Variants in NGRN observed in about 807,000 individuals in gnomAD.
NGRN encodes the protein neugrin, neurite outgrowth associated.
NGRN carries 12 observed loss-of-function variants against 13.1 expected under a neutral mutation model. That is an observed-to-expected ratio of 0.92 (90% confidence interval 0.59 to 1.49). The LOEUF (loss-of-function observed/expected upper bound fraction) is 1.49, where lower values mean the gene tolerates loss of function less well. Ranked by LOEUF, NGRN falls within the 40% of genes most tolerant of loss-of-function variation. The probability of loss-of-function intolerance (pLI) is 0.00; values close to 1 mark genes in which losing one functional copy is unlikely to be tolerated. For synonymous variants in NGRN, 149 were observed against 145.8 expected (o/e 1.02, Z -0.16); for missense variants, 397 against 357.0 (o/e 1.11, Z -0.90).
In NGRN at chr15:90,271,721, G is replaced by T; in HGVS notation, c.809G>T (p.Ser270Ile). Residue 270 changes from serine to isoleucine, a missense_variant, in exon 3 of 3, where the codon AGC becomes ATC. Coordinates refer to ENST00000379095, the MANE Select transcript of NGRN (RefSeq NM_001033088.3). Reference protein sequence around the residue: ...ELKAEEPDNFSSKVVQRGREF... With the variant: ...ELKAEEPDNFISKVVQRGREF... Reference sequence around the variant, plus strand: ...AAGGCAGAGGAGCCAGATAACTTCAGCAGCAAAGTAGTGCAGAGGGGCCGA... The same window carrying T: ...AAGGCAGAGGAGCCAGATAACTTCATCAGCAAAGTAGTGCAGAGGGGCCGA... The T allele has an allele frequency of 6.2e-7, 1 of 1,614,198 alleles. No homozygotes were observed. Among genetic ancestry groups the T allele is most frequent in the Non-Finnish European group, 8.5e-7 (1 of 1,180,044 alleles).
chr15:90,268,403 A>T (rs1026781072), intron 2 of NGRN, among the ~76,000 whole-genome samples: 1 of 151,830 alleles, frequency 6.6e-6, no homozygotes, highest in Non-Finnish European at 1.5e-5. Flanking sequence ...GAAAAAAAAA[A>T]AACAGTCCAT....
chr15:90,269,298 G>A (rs1288562633), intron 2 of NGRN, among the ~76,000 whole-genome samples: 1 of 151,164 alleles, frequency 6.6e-6, no homozygotes, highest in Non-Finnish European at 1.5e-5. Context: ...TTACAGGCGG[G>A]CGTGAGCCAC....
At chr15:90,266,816 G>A (rs1016299251) in intron 2 of NGRN, among the ~76,000 whole-genome samples, 1 of 152,172 alleles carries the variant, frequency 6.6e-6, no homozygotes, top group Non-Finnish European at 1.5e-5. Context: ...TTGAATGTAG[G>A]TTGTGACGTT....
intron 2 of NGRN, 111 bp from the exon 3 acceptor site, chr15:90,271,077 T>G: frequency 4.7e-6 from 6 of 1,267,374 alleles, no homozygotes; most frequent in Non-Finnish European, 6.6e-6. Flanking sequence ...ATTACAGGTG[T>G]GAGCCACCAT....
Position 90,266,410 on chromosome 15 carries a change from GATACCTTGTTTGT to G in NGRN, c.275+15_275+27del, listed in dbSNP as rs1963422707. ...ATGGAGCAGATACGGTGAGACTCAG[GATACCTTGTTTGT>G]ATCCGCTGTGATGAGAAGTGAAGGA... On this transcript the variant is annotated intron_variant, in intron 2 of 2. Coordinates refer to ENST00000379095, the MANE Select transcript of NGRN (RefSeq NM_001033088.3). 1.2e-6 allele frequency: 2 copies of G among 1,605,594 alleles called. No homozygotes were observed.
At chr15:90,267,221 T>G (rs1173102533) in intron 2 of NGRN, among the ~76,000 whole-genome samples, 5 of 151,318 alleles carry the variant, frequency 3.3e-5, no homozygotes, top group Admixed American at 1.3e-4. Flanking sequence ...TTTGTAGAGA[T>G]AGCCTCATCA....
chr15:90,266,167 G>T lies in NGRN; in HGVS notation c.165-121G>T. 5 of 1,476,722 alleles carry T rather than the reference G, an allele frequency of 3.4e-6. No homozygotes were observed. In the South Asian group the frequency reaches 7.0e-5, roughly 21 times the overall value. The allele number at this position is 1,476,722 out of a possible 1,614,324, so 91.5% of individuals were successfully genotyped here. ...CGGAGCAGCTCTAAGCCGGCAACATGGCCCGGTTGCCCTTGCGATCAAAGA... is the reference window on the plus strand; with the variant it reads ...CGGAGCAGCTCTAAGCCGGCAACATTGCCCGGTTGCCCTTGCGATCAAAGA... On this transcript the variant is annotated intron_variant, in intron 1 of 2. Coordinates refer to ENST00000379095, the MANE Select transcript of NGRN (RefSeq NM_001033088.3).
rs932908248 is a variant in NGRN at position 90,265,685 on chromosome 15, C to T, written c.-28C>T. 1.2e-6 allele frequency: 2 copies of T among 1,612,278 alleles called. No individual in the cohort carries two copies. The highest frequency in any genetic ancestry group is 1.1e-5 in the South Asian group (1 of 90,998). On this transcript the variant is annotated 5_prime_UTR_variant, in exon 1 of 3. Transcript: ENST00000379095. ...GCTACTTCCGCTGCTGTTTCGTAGC[C>T]GACTGCTGAAGGCTGGTTTGCGTCG...
intron 2 of NGRN, 36 bp downstream of exon 2, chr15:90,266,434 A>G: frequency 1.3e-6 from 2 of 1,544,276 alleles, no homozygotes; most frequent in Non-Finnish European, 1.8e-6. Context: ...ATCCGCTGTG[A>G]TGAGAAGTGA....
intron 1 of NGRN, 65 bp downstream of exon 1, chr15:90,265,941 G>T: frequency 1.4e-6 from 2 of 1,431,212 alleles, no homozygotes; most frequent in South Asian, 3.0e-5. Context: ...TCCAGGCCGC[G>T]CCCCCTTGGC....
In NGRN at chr15:90,265,785, C is replaced by T. The variant is rs1304474946; in HGVS notation, c.73C>T (p.Arg25Trp). 1 of 1,612,360 alleles carries T rather than the reference C, an allele frequency of 6.2e-7. No individual in the cohort carries two copies. The highest frequency in any genetic ancestry group is 1.3e-5 in the African/African-American group (1 of 74,912). ...CGTCACTCGCTGTGGGTTCGCGACC[C>T]GGGGGGTGGCGGGCCCAGGCCCTAT... The part of the protein sequence containing the change: ...AAVTRCGFAT[R>W]GVAGPGPIGR... The change falls in exon 1 of 3, where the codon CGG becomes TGG. Residue 25 changes from arginine (R) to tryptophan (W), a missense_variant. Physicochemically the swap from Arg to Trp is moderately radical, Grantham distance 101. Coordinates refer to ENST00000379095, the MANE Select transcript of NGRN (RefSeq NM_001033088.3).
chr15:90,265,789 G>A lies in NGRN; in HGVS notation c.77G>A (p.Gly26Glu), dbSNP rs922612764. ...ACTCGCTGTGGGTTCGCGACCCGGG[G>A]GGTGGCGGGCCCAGGCCCTATTGGC... is the stretch of plus-strand genomic sequence containing the variant. The part of the protein sequence containing the change: ...AVTRCGFATR[G>E]VAGPGPIGRE... Residue 26 changes from glycine to glutamate, a missense_variant, in exon 1 of 3, where the codon GGG (glycine) becomes GAG (glutamate). Transcript: ENST00000379095. The A allele has an allele frequency of 6.2e-7, 1 of 1,612,596 alleles. No individual in the cohort carries two copies. The highest frequency in any genetic ancestry group is 1.3e-5 in the African/African-American group (1 of 74,922).
chr15:90,265,834 C>A lies in NGRN; in HGVS notation c.122C>A (p.Ser41Tyr), dbSNP rs749052366. 1.1e-5 allele frequency: 17 copies of A among 1,608,440 alleles called. No homozygotes were observed. The Admixed American group carries it at 2.9e-4, about 27-fold the overall frequency. Residue 41 changes from serine to tyrosine, a missense_variant, in exon 1 of 3, where the codon TCC becomes TAC. Transcript: ENST00000379095. ...GPIGREPDPD[S>Y]DWEPEERELQ... Reference sequence around the variant, plus strand: ...ATTGGCCGGGAGCCGGACCCCGATTCCGACTGGGAGCCGGAGGAACGGGAG... The same window carrying A: ...ATTGGCCGGGAGCCGGACCCCGATTACGACTGGGAGCCGGAGGAACGGGAG...
In NGRN at chr15:90,269,300, G is replaced by A. The variant is rs370170809; in HGVS notation, c.276-1888G>A. 3.8e-3 allele frequency among the ~76,000 whole-genome samples: 571 copies of A among 151,178 alleles called. 6 individuals are homozygous for A. Among genetic ancestry groups the A allele is most frequent in the African/African-American group, 0.013 (522 of 41,218 alleles). On this transcript the variant is annotated intron_variant, in intron 2 of 2. Transcript: ENST00000379095. ...AAAAGTGCTGGGATTACAGGCGGGC[G>A]TGAGCCACCATACCCAGCCTTTTTT...
At position 90,272,191 on chromosome 15, in the gene NGRN, ATAAAG is replaced by A. The variant is rs200495525; in HGVS notation, c.*408_*412del. On this transcript the variant is annotated 3_prime_UTR_variant, in exon 3 of 3. Transcript: ENST00000379095. Reference sequence around the variant, plus strand: ...GTCAATTGGTTTTCCTTACAACAAAATAAAGTAAAATGTAGCAGTCTGCCTCTTTG... The same window carrying A: ...GTCAATTGGTTTTCCTTACAACAAAATAAAATGTAGCAGTCTGCCTCTTTG... The A allele has an allele frequency of 3.6e-3, 723 of 198,158 alleles. 4 individuals are homozygous for A. Among genetic ancestry groups the A allele is most frequent in the African/African-American group, 0.016 (684 of 43,464 alleles). The allele number at this position is 198,158 out of a possible 1,614,324, so 12.3% of individuals were successfully genotyped here. A position where few individuals can be genotyped will look rare whatever the true frequency, so the allele number is the denominator to read the frequency against.
In NGRN at chr15:90,271,999, A is replaced by C; in HGVS notation, c.*211A>C. The C allele has an allele frequency of 1.7e-6, 1 of 573,246 alleles. No individual in the cohort carries two copies. The highest frequency in any genetic ancestry group is 3.0e-6 in the Non-Finnish European group (1 of 333,116). 35.5% of individuals were successfully genotyped at this position (573,246 alleles called of 1,614,324 possible). On this transcript the variant is annotated 3_prime_UTR_variant, in exon 3 of 3. Transcript: ENST00000379095. ...TGACCTCTGTAGACCTTCAGTACTC[A>C]CTCTTCTTGCTTAGGCTCTCTGTGT...
At chr15:90,269,908 A>G (rs1963480577) in intron 2 of NGRN, among the ~76,000 whole-genome samples, 1 of 152,198 alleles carries the variant, frequency 6.6e-6, no homozygotes, top group South Asian at 2.1e-4. Flanking sequence ...ACCAAGTTGT[A>G]CTATTTGACT....
At position 90,265,684 on chromosome 15, in the gene NGRN, C is replaced by G. The variant is rs1885249317; in HGVS notation, c.-29C>G. Reference sequence around the variant, plus strand: ...GGCTACTTCCGCTGCTGTTTCGTAGCCGACTGCTGAAGGCTGGTTTGCGTC... The same window carrying G: ...GGCTACTTCCGCTGCTGTTTCGTAGGCGACTGCTGAAGGCTGGTTTGCGTC... On this transcript the variant is annotated 5_prime_UTR_variant, in exon 1 of 3. Transcript: ENST00000379095. 1.9e-6 allele frequency: 3 copies of G among 1,612,344 alleles called. No individual in the cohort carries two copies. Among genetic ancestry groups the G allele is most frequent in the Non-Finnish European group, 2.5e-6 (3 of 1,179,500 alleles).
At chr15:90,271,089 C>A (rs1390369287) in intron 2 of NGRN, 99 bp from the exon 3 acceptor site, 4 of 1,387,324 alleles carry the variant, frequency 2.9e-6, no homozygotes, top group Non-Finnish European at 3.9e-6. Flanking sequence ...AGCCACCATG[C>A]CAGGCCTCAA....
Sources: allele counts gnomAD v4.1 joint callset (sites outside exome capture counted in the v4.1 genomes callset), GRCh38; gene constraint gnomAD v4.1.1; transcripts MANE v1.5; gene names NCBI Gene and HGNC (gene_info 2026-07-23, HGNC 2026-07-21).